The following SPRR1B variants were observed in gnomAD, a reference collection of about 807,000 sequenced individuals.
SPRR1B encodes the protein small proline rich protein 1B.
Under a neutral mutation model 1.2 loss-of-function variants are expected in SPRR1B, and 1 was observed. The observed-to-expected ratio is 0.82, with a 90% CI of 0.29 to 3.89. SPRR1B has a LOEUF of 3.89. SPRR1B is among the 30% of genes most tolerant of loss of function. The probability of loss-of-function intolerance (pLI) is 0.18; values close to 1 mark genes in which losing one functional copy is unlikely to be tolerated. For missense variants in SPRR1B, 102 were observed against 106.0 expected (o/e 0.96, Z 0.17); for synonymous variants, 37 against 38.3 (o/e 0.97, Z 0.13).
At chr1:153,031,743 C>T (rs1184949528) in intron 1 of SPRR1B, among the ~76,000 whole-genome samples, 1 of 152,134 alleles carries the variant, frequency 6.6e-6, no homozygotes, top group Non-Finnish European at 1.5e-5. Context: ...ATAACAGTAA[C>T]TTATCAGTGC....
In SPRR1B at chr1:153,032,879, A is replaced by C; in HGVS notation, c.*264A>C. On this transcript the variant is annotated 3_prime_UTR_variant, in exon 2 of 2. Coordinates refer to ENST00000307098, the MANE Select transcript of SPRR1B (RefSeq NM_003125.3). ...AATGATTCAGCTCCCTTATACCCCC[A>C]TTAAATTCACTTTCAATTCCACTCT... 3.5e-6 allele frequency: 2 copies of C among 569,998 alleles called. No individual in the cohort carries two copies. The highest frequency in any genetic ancestry group is 3.1e-5 in the East Asian group (1 of 32,282). 35.3% of individuals were successfully genotyped at this position (569,998 alleles called of 1,614,324 possible).
chr1:153,032,229 G>C, intron 1 of SPRR1B, 98 bp from the exon 2 acceptor site: 1 of 1,382,386 alleles, frequency 7.2e-7, no homozygotes, highest in Non-Finnish European at 9.9e-7. Flanking sequence ...TTGTGGTCAA[G>C]AAGGGGAAAG....
chr1:153,031,304 A>C (rs2101589958), intron 1 of SPRR1B, 57 bp downstream of exon 1: 1 of 144,462 alleles, frequency 6.9e-6, no homozygotes, highest in Non-Finnish European at 1.5e-5. Flanking sequence ...AATTTTTATT[A>C]GAGTCTCCTT....
In SPRR1B at chr1:153,032,565, C is replaced by T; in HGVS notation, c.220C>T (p.Pro74Ser). 6.2e-7 allele frequency: 1 copy of T among 1,613,714 alleles called. No homozygotes were observed. Residue 74 changes from proline to serine, a missense_variant, in exon 2 of 2, where the codon CCT (proline) becomes TCT (serine). Physicochemically the swap from Pro to Ser is moderately conservative, Grantham distance 74. Transcript: ENST00000307098. ...PCHPKVPEPC[P>S]SIVTPAPAQQ... ...CCACCCCAAGGTGCCTGAGCCCTGC[C>T]CTTCAATAGTCACTCCAGCACCAGC...
At chr1:153,031,655 C>A (rs1653711226) in intron 1 of SPRR1B, among the ~76,000 whole-genome samples, 1 of 152,078 alleles carries the variant, frequency 6.6e-6, no homozygotes, top group Non-Finnish European at 1.5e-5. Flanking sequence ...CTATATTTGG[C>A]AATTTGTTTG....
At chr1:153,032,194 G>T in intron 1 of SPRR1B, 133 bp from the exon 2 acceptor site, 1 of 1,198,580 alleles carries the variant, frequency 8.3e-7, no homozygotes, top group Non-Finnish European at 1.2e-6. Context: ...TTCTTCAAAG[G>T]CTCAGAAATT....
At chr1:153,032,267 G>C in intron 1 of SPRR1B, 60 bp from the exon 2 acceptor site, 1 of 1,529,322 alleles carries the variant, frequency 6.5e-7, no homozygotes, top group Non-Finnish European at 8.8e-7. Flanking sequence ...GACCAGAAGT[G>C]GTATTCACCA....
chr1:153,032,180 C>T, intron 1 of SPRR1B, 147 bp from the exon 2 acceptor site: 1 of 1,066,218 alleles, frequency 9.4e-7, no homozygotes, highest in Non-Finnish European at 1.3e-6. Context: ...TCTTTAGGTT[C>T]CTCTTCTTCA....
rs1366500967 is a variant in SPRR1B at position 153,032,605 on chromosome 1, A to G, written c.260A>G (p.Lys87Arg). Residue 87 changes from lysine to arginine, a missense_variant, in exon 2 of 2, where the codon AAG becomes AGG. Transcript: ENST00000307098. Reference protein sequence around the residue: ...VTPAPAQQKTKQK With the variant: ...VTPAPAQQKTRQK ...CCAGCACCAGCCCAGCAGAAGACCA[A>G]GCAGAAGTAATGTGGTCCACAGCCA... The G allele has an allele frequency of 5.6e-6, 9 of 1,613,686 alleles. No homozygotes were observed. In the East Asian group the frequency reaches 1.3e-4, roughly 24 times the overall value.
Position 153,032,475 on chromosome 1 carries a change from A to G in SPRR1B, c.130A>G (p.Lys44Glu), listed in dbSNP as rs762335784. 1.8e-5 allele frequency: 27 copies of G among 1,496,104 alleles called. 1 individual carries two copies. In the Admixed American group the frequency reaches 3.9e-4, roughly 22 times the overall value. The allele number at this position is 1,496,104 out of a possible 1,614,324, so 92.7% of individuals were successfully genotyped here. The change falls in exon 2 of 2, where the codon AAG (lysine) becomes GAG (glutamate). Residue 44 changes from lysine to glutamate, a missense_variant. By Grantham distance (56) the Lys-to-Glu change is moderately conservative. Transcript: ENST00000307098. The stretch of plus-strand genomic sequence containing the variant: ...CAAAACCAAGGAGCCCTGCCACCCC[A>G]AGGTGCCTGAGCCCTGCCACCCCAA... ...IPKTKEPCHP[K>E]VPEPCHPKVP... is the part of the protein sequence containing the mutation.
At chr1:153,031,719 C>A (rs1653714129) in intron 1 of SPRR1B, among the ~76,000 whole-genome samples, 1 of 152,136 alleles carries the variant, frequency 6.6e-6, no homozygotes, top group Non-Finnish European at 1.5e-5. Context: ...GAAATAAGAG[C>A]TAAAATGCAT....
chr1:153,031,866 G>A (rs1231871635), intron 1 of SPRR1B, among the ~76,000 whole-genome samples: 1 of 152,192 alleles, frequency 6.6e-6, no homozygotes, highest in Non-Finnish European at 1.5e-5. Flanking sequence ...AGTTTGGTTA[G>A]TGCTTGAATG....
chr1:153,032,608 A>G lies in SPRR1B; in HGVS notation c.263A>G (p.Gln88Arg). ...GCACCAGCCCAGCAGAAGACCAAGCAGAAGTAATGTGGTCCACAGCCATGC... is the reference window on the plus strand; with the variant it reads ...GCACCAGCCCAGCAGAAGACCAAGCGGAAGTAATGTGGTCCACAGCCATGC... ...TPAPAQQKTK[Q>R]K The change falls in exon 2 of 2, where the codon CAG becomes CGG. Residue 88 changes from glutamine to arginine, a missense_variant. Gln to Arg is a conservative substitution (Grantham distance 43). Coordinates refer to ENST00000307098, the MANE Select transcript of SPRR1B (RefSeq NM_003125.3). 6.2e-7 allele frequency: 1 copy of G among 1,613,728 alleles called. No individual in the cohort carries two copies. Among genetic ancestry groups the G allele is most frequent in the Non-Finnish European group, 8.5e-7 (1 of 1,179,792 alleles).
Position 153,032,370 on chromosome 1 carries a change from C to T in SPRR1B, c.25C>T (p.Pro9Ser), listed in dbSNP as rs1217953995. Residue 9 changes from proline to serine, a missense_variant, in exon 2 of 2, where the codon CCT becomes TCT. Transcript: ENST00000307098. MSSQQQKQPCTPPPQLQQQ... is the reference protein window; with the variant it reads MSSQQQKQSCTPPPQLQQQ... ...CATGAGTTCCCAGCAGCAGAAGCAG[C>T]CTTGCACCCCACCCCCTCAGCTTCA... The T allele has an allele frequency of 6.2e-7, 1 of 1,613,702 alleles. No individual in the cohort carries two copies. The highest frequency in any genetic ancestry group is 1.3e-5 in the African/African-American group (1 of 74,852).
chr1:153,032,234 G>C, intron 1 of SPRR1B, 93 bp from the exon 2 acceptor site: 2 of 1,411,176 alleles, frequency 1.4e-6, no homozygotes, highest in East Asian at 4.6e-5. Flanking sequence ...GTCAAGAAGG[G>C]GAAAGAACAT....
At chr1:153,032,067 G>A (rs1653723755) in intron 1 of SPRR1B, among the ~76,000 whole-genome samples, 1 of 151,996 alleles carries the variant, frequency 6.6e-6, no homozygotes, top group African/African-American at 2.4e-5. Context: ...CAATGGTCCA[G>A]TATTATGAGT....
intron 1 of SPRR1B, 33 bp from the exon 2 acceptor site, chr1:153,032,294 A>G: frequency 6.3e-7 from 1 of 1,581,312 alleles, no homozygotes; most frequent in Admixed American, 1.8e-5. Flanking sequence ...CTTCCCTATT[A>G]TTCTCTGCTT....
intron 1 of SPRR1B, 70 bp from the exon 2 acceptor site, chr1:153,032,257 G>C (rs1037571750): frequency 5.3e-6 from 8 of 1,509,484 alleles, no homozygotes; most frequent in Non-Finnish European, 7.2e-6. Flanking sequence ...CTTTTTAAGA[G>C]ACCAGAAGTG....
In SPRR1B at chr1:153,032,615, A is replaced by G. The variant is rs376708520; in HGVS notation, c.270A>G (p.Ter90=). The G allele has an allele frequency of 1.8e-4, 294 of 1,613,326 alleles. 1 individual carries two copies. Among genetic ancestry groups the G allele is most frequent in the Non-Finnish European group, 2.4e-4 (288 of 1,179,634 alleles). The change falls in exon 2 of 2, where the codon TAA becomes TAG. Residue 90 remains the stop codon, a stop_retained_variant. Coordinates refer to ENST00000307098, the MANE Select transcript of SPRR1B (RefSeq NM_003125.3). ...APAQQKTKQK[*] ...CCCAGCAGAAGACCAAGCAGAAGTAATGTGGTCCACAGCCATGCCCTTGAG... is the reference window on the plus strand; with the variant it reads ...CCCAGCAGAAGACCAAGCAGAAGTAGTGTGGTCCACAGCCATGCCCTTGAG...
Sources: allele counts gnomAD v4.1 joint callset (sites outside exome capture counted in the v4.1 genomes callset), GRCh38; gene constraint gnomAD v4.1.1; transcripts MANE v1.5; gene names NCBI Gene and HGNC (gene_info 2026-07-23, HGNC 2026-07-21).